Variants in DRAM1 observed in about 807,000 individuals in gnomAD.
DRAM1 encodes the protein DNA damage regulated autophagy modulator 1.
A neutral mutation model predicts 28.5 loss-of-function variants in DRAM1; 25 were observed. The ratio of observed to expected loss-of-function variants is 0.88; its 90% CI spans 0.64 to 1.23. DRAM1 has a LOEUF of 1.23. Among genes scored for constraint, DRAM1 ranks in the 50% most tolerant of loss-of-function variants. The pLI is 0.00. For missense variants in DRAM1, 249 were observed against 299.2 expected (o/e 0.83, Z 1.24); for synonymous variants, 113 against 114.2 (o/e 0.99, Z 0.07).
intron 4 of DRAM1, among the ~76,000 whole-genome samples, chr12:101,910,303 T>C (rs1178326027): frequency 2.0e-5 from 3 of 152,186 alleles, no homozygotes; most frequent in African/African-American, 7.2e-5. Context: ...CTTGTGTTAG[T>C]TGTAAAATTC....
At chr12:101,900,498 A>G (rs569463154) in intron 2 of DRAM1, among the ~76,000 whole-genome samples, 29 of 152,352 alleles carry the variant, frequency 1.9e-4, no homozygotes, top group African/African-American at 6.7e-4. Context: ...AGATATCGAC[A>G]AGCCCAAGAG....
intron 5 of DRAM1, 123 bp from the exon 6 acceptor site, chr12:101,919,986 A>G (rs1311539918): frequency 1.8e-6 from 1 of 564,310 alleles, no homozygotes; most frequent in East Asian, 3.2e-5. Flanking sequence ...GTATATCCTC[A>G]AAGTTCTGAC....
chr12:101,886,642 C>T (rs1039637474), intron 1 of DRAM1, among the ~76,000 whole-genome samples: 2 of 152,170 alleles, frequency 1.3e-5, no homozygotes, highest in African/African-American at 4.8e-5. Context: ...AAGCCAATGG[C>T]CTCTGAAAAC....
At chr12:101,912,979 C>T (rs532995321) in intron 4 of DRAM1, among the ~76,000 whole-genome samples, 1 of 152,280 alleles carries the variant, frequency 6.6e-6, no homozygotes, top group African/African-American at 2.4e-5. Flanking sequence ...TCGCCTGCCT[C>T]AGCCTCCCAA....
intron 3 of DRAM1, among the ~76,000 whole-genome samples, chr12:101,904,259 TGA>T (rs999592593): frequency 3.4e-4 from 51 of 152,060 alleles, no homozygotes; most frequent in African/African-American, 1.2e-3. Context: ...CCTGAAGTGC[TGA>T]GAGGTGTGAG....
chr12:101,917,650 T>C (rs116805454), intron 5 of DRAM1, among the ~76,000 whole-genome samples: 8,716 of 147,034 alleles, frequency 0.059, 862 homozygotes, highest in African/African-American at 0.21. Context: ...GCCGAGATCA[T>C]GCCAATGCAC....
chr12:101,910,533 A>G (rs914810858), intron 4 of DRAM1, among the ~76,000 whole-genome samples: 41 of 149,706 alleles, frequency 2.7e-4, no homozygotes, highest in Non-Finnish European at 1.6e-4. Flanking sequence ...GCTGGAGTGC[A>G]ATGGTGCGAT....
chr12:101,880,239 T>C (rs1872646281), intron 1 of DRAM1, among the ~76,000 whole-genome samples: 1 of 151,056 alleles, frequency 6.6e-6, no homozygotes, highest in Non-Finnish European at 1.5e-5. Context: ...TTTTTTTGTA[T>C]TTGTAGAGAT....
At chr12:101,883,944 A>AT (rs200845039) in intron 1 of DRAM1, among the ~76,000 whole-genome samples, 26,290 of 150,500 alleles carry the variant, frequency 0.17, 5,112 homozygotes, top group African/African-American at 0.47. Flanking sequence ...AAAAAAAAAA[A>AT]AAATAAATAA....
At chr12:101,901,155 G>A in intron 2 of DRAM1, 136 bp from the exon 3 acceptor site, 1 of 775,746 alleles carries the variant, frequency 1.3e-6, no homozygotes, top group Non-Finnish European at 2.0e-6. Context: ...GTAAGATGGA[G>A]TCAGGAGGGA....
At chr12:101,880,278 CTTTT>C (rs61082909) in intron 1 of DRAM1, among the ~76,000 whole-genome samples, 41 of 70,098 alleles carry the variant, frequency 5.8e-4, no homozygotes, top group African/African-American at 2.9e-3. Flanking sequence ...GCAATGCTTC[CTTTT>C]TTTTTTTTTT....
intron 4 of DRAM1, among the ~76,000 whole-genome samples, chr12:101,912,228 A>G (rs536116178): frequency 1.3e-5 from 2 of 152,314 alleles, no homozygotes; most frequent in African/African-American, 4.8e-5. Context: ...ATAAATTTGG[A>G]TATTAGAAAA....
chr12:101,914,272 G>T lies in DRAM1; in HGVS notation c.579+40G>T, dbSNP rs376472149. The T allele has an allele frequency of 3.9e-6, 6 of 1,539,570 alleles. No individual in the cohort carries two copies. The East Asian group carries it at 1.4e-4, about 35-fold the overall frequency. ...GTTGTGAATGTGGTTGTCGGACGTG[G>T]TTATGTGAGCTTGTGGCCAGGCTAG... On this transcript the variant is annotated intron_variant, in intron 5 of 6. Coordinates refer to ENST00000258534, the MANE Select transcript of DRAM1 (RefSeq NM_018370.3).
intron 5 of DRAM1, among the ~76,000 whole-genome samples, chr12:101,918,871 G>T (rs1441837465): frequency 6.6e-6 from 1 of 152,082 alleles, no homozygotes; most frequent in African/African-American, 2.4e-5. Flanking sequence ...GCTAACATCA[G>T]AATGCAGACA....
chr12:101,886,034 T>G (rs1223562796), intron 1 of DRAM1, among the ~76,000 whole-genome samples: 1 of 152,202 alleles, frequency 6.6e-6, no homozygotes, highest in Non-Finnish European at 1.5e-5. Flanking sequence ...TCATTAACCT[T>G]GTTAGTTTCC....
chr12:101,890,245 A>G (rs1471299860), intron 1 of DRAM1: 2 of 320,134 alleles, frequency 6.2e-6, no homozygotes, highest in Non-Finnish European at 1.2e-5. Flanking sequence ...CGCCTGGCTA[A>G]TTTTTGTATT....
chr12:101,897,052 G>T (rs1873403597), intron 1 of DRAM1, among the ~76,000 whole-genome samples: 1 of 152,084 alleles, frequency 6.6e-6, no homozygotes, highest in Non-Finnish European at 1.5e-5. Flanking sequence ...CTCCCAAAGT[G>T]CTGGGATTAC....
intron 1 of DRAM1, among the ~76,000 whole-genome samples, chr12:101,894,253 G>A (rs1354026101): frequency 2.6e-5 from 4 of 152,098 alleles, no homozygotes; most frequent in African/African-American, 9.7e-5. Context: ...GAGTAGCTGG[G>A]ATTACAGGCA....
At chr12:101,904,407 T>TGA (rs1172009263) in intron 3 of DRAM1, among the ~76,000 whole-genome samples, 7 of 138,020 alleles carry the variant, frequency 5.1e-5, no homozygotes, top group Admixed American at 3.7e-4. Flanking sequence ...TTTTTGAAGC[T>TGA]GAGTGATAGA....
Sources: gnomAD v4.1 joint callset for allele counts (sites outside exome capture counted in the v4.1 genomes callset) on GRCh38, gnomAD v4.1.1 for gene constraint, MANE v1.5 for transcripts, NCBI Gene and HGNC (gene_info 2026-07-23, HGNC 2026-07-21) for gene names.